The following USP30 variants were observed in gnomAD, a reference collection of about 807,000 sequenced individuals.
The protein encoded by USP30 is ubiquitin carboxyl-terminal hydrolase 30.
A neutral mutation model predicts 68.2 loss-of-function variants in USP30; 41 were observed. That is an observed-to-expected ratio of 0.60 (90% CI 0.47 to 0.78). The LOEUF (loss-of-function observed/expected upper bound fraction) is 0.78. USP30 is among the 30% of genes least tolerant of loss of function. The pLI is 0.00. For synonymous variants in USP30, 229 were observed against 253.7 expected (o/e 0.90, Z 0.93); for missense variants, 522 against 649.4 (o/e 0.80, Z 2.13).
At position 109,085,856 on chromosome 12, in the gene USP30, C is replaced by G; in HGVS notation, c.1479C>G (p.Ser493Arg). 1.9e-6 allele frequency: 3 copies of G among 1,614,236 alleles called. No homozygotes were observed. The highest frequency in any genetic ancestry group is 2.5e-6 in the Non-Finnish European group (3 of 1,180,036). Residue 493 changes from serine (S) to arginine (R), a missense_variant, in exon 13 of 13, where the codon AGC becomes AGG. Ser to Arg is a moderately radical substitution (Grantham distance 110, BLOSUM62 -1). Transcript: ENST00000257548. ...GCCTGCAGGAGGTCCTGTCCTCCAG[C>G]GCCTACCTGCTGTTCTACGAGCGCG... The part of the protein sequence containing the change: ...KASLQEVLSS[S>R]AYLLFYERVL...
At position 109,052,646 on chromosome 12, in the gene USP30, A is replaced by AG. The variant is rs545233213; in HGVS notation, c.-31dup. 2,088 of 1,384,170 alleles carry AG rather than the reference A, an allele frequency of 1.5e-3. 22 individuals are homozygous for AG. In the African/African-American group the frequency reaches 0.028, roughly 19 times the overall value. 85.7% of individuals were successfully genotyped at this position (1,384,170 alleles called of 1,614,324 possible). On this transcript the variant is annotated 5_prime_UTR_variant, in exon 1 of 13. Transcript: ENST00000257548. ...CCGGCGGCGGCGGCGGCGGTAGCGGAGGAGACGGTTTCAGGCCTCCGGTGC... is the reference window on the plus strand; with the variant it reads ...CCGGCGGCGGCGGCGGCGGTAGCGGAGGGAGACGGTTTCAGGCCTCCGGTGC...
chr12:109,074,342 C>G (rs992080587), intron 7 of USP30, among the ~76,000 whole-genome samples: 1 of 152,122 alleles, frequency 6.6e-6, no homozygotes. Context: ...CATTTACATA[C>G]AAGTTTTTGT....
intron 11 of USP30, among the ~76,000 whole-genome samples, chr12:109,084,089 G>A (rs917497856): frequency 8.5e-5 from 13 of 152,180 alleles, no homozygotes; most frequent in Non-Finnish European, 1.2e-4. Context: ...AGGGCCACTC[G>A]TGGTGGCTCA....
intron 3 of USP30, among the ~76,000 whole-genome samples, chr12:109,060,704 G>T (rs1381491073): frequency 1.3e-5 from 2 of 152,150 alleles, no homozygotes; most frequent in Non-Finnish European, 2.9e-5. Context: ...ACTCAGGCTG[G>T]AATGCAGTGG....
At chr12:109,063,152 C>A (rs112171892) in intron 3 of USP30, among the ~76,000 whole-genome samples, 2 of 151,854 alleles carry the variant, frequency 1.3e-5, no homozygotes, top group Non-Finnish European at 2.9e-5. Context: ...CAGGCTGGAG[C>A]GCAGTGGTGC....
chr12:109,062,390 G>A (rs1054094648), intron 3 of USP30, among the ~76,000 whole-genome samples: 9 of 145,454 alleles, frequency 6.2e-5, no homozygotes, highest in African/African-American at 2.1e-4. Context: ...GCTGGAGTGC[G>A]GTGGCATGAT....
chr12:109,082,482 T>A, intron 9 of USP30, 181 bp from the exon 10 acceptor site: 2 of 608,794 alleles, frequency 3.3e-6, no homozygotes, highest in Non-Finnish European at 5.8e-6. Flanking sequence ...ACTGTTTCTG[T>A]TATTTAATGA....
intron 2 of USP30, among the ~76,000 whole-genome samples, chr12:109,025,991 G>A (rs377087654): frequency 2.6e-4 from 39 of 152,052 alleles, no homozygotes; most frequent in African/African-American, 8.4e-4. Flanking sequence ...GGCATGAAGC[G>A]TTTTTTAAGT....
At position 109,037,173 on chromosome 12, in the gene USP30, C is replaced by T. The variant is rs76644944; in HGVS notation, c.-136+9617C>T. Among the ~76,000 whole-genome samples the T allele has an allele frequency of 5.4e-3, 817 of 152,204 alleles. 6 individuals are homozygous for T. The highest frequency in any genetic ancestry group is 8.8e-3 in the Non-Finnish European group (600 of 68,018). On this transcript the variant is annotated intron_variant, in intron 3 of 15. Coordinates refer to the USP30 transcript ENST00000392784. ...GGAACTATCTTCATGTTCATTGATACTTTGCTTACCTGTTCAAATCTGCTG... is the reference window on the plus strand; with the variant it reads ...GGAACTATCTTCATGTTCATTGATATTTTGCTTACCTGTTCAAATCTGCTG...
rs1447148035 is a variant in USP30 at position 109,039,853 on chromosome 12, C to T, written c.-135-7737C>T. On this transcript the variant is annotated intron_variant, in intron 3 of 15. Transcript: ENST00000392784. ...CTCGATCTCTTGACCTCATGATCTGCCTGCCTTGGCCTCCCAAAGTGCTGG... is the reference window on the plus strand; with the variant it reads ...CTCGATCTCTTGACCTCATGATCTGTCTGCCTTGGCCTCCCAAAGTGCTGG... 2.0e-5 allele frequency among the ~76,000 whole-genome samples: 3 copies of T among 152,138 alleles called. No individual in the cohort carries two copies. The East Asian group carries it at 5.8e-4, about 29-fold the overall frequency.
intron 3 of USP30, among the ~76,000 whole-genome samples, chr12:109,061,820 C>G (rs149996818): frequency 6.6e-6 from 1 of 152,322 alleles, no homozygotes; most frequent in African/African-American, 2.4e-5. Flanking sequence ...CAACCCTGCT[C>G]CCCTCCACCT....
At chr12:109,043,905 A>G (rs2040582471) in intron 3 of USP30, among the ~76,000 whole-genome samples, 1 of 152,228 alleles carries the variant, frequency 6.6e-6, no homozygotes, top group Admixed American at 6.5e-5. Flanking sequence ...TTGAAGAGAT[A>G]TTTGTATATA....
chr12:109,078,949 G>A (rs1043971511), intron 7 of USP30, among the ~76,000 whole-genome samples: 5 of 152,090 alleles, frequency 3.3e-5, no homozygotes, highest in African/African-American at 1.2e-4. Context: ...TTCTCAGTTA[G>A]TGTCATTTAT....
intron 4 of USP30, 34 bp from the exon 5 acceptor site, chr12:109,071,578 C>T (rs1183532575): frequency 5.6e-6 from 9 of 1,596,658 alleles, no homozygotes; most frequent in Non-Finnish European, 7.7e-6. Flanking sequence ...TTGCCTCTTC[C>T]AACCTCTCTA....
rs2041955314 is a variant in USP30, at chr12:109,086,697, CT to C, written c.*769del. ...GTGAATAGCCAGAACTGAGCTGGAT[CT>C]TTGCAACACCTGATTCCTCTGCTCT... On this transcript the variant is annotated 3_prime_UTR_variant, in exon 13 of 13. Coordinates refer to ENST00000257548, the MANE Select transcript of USP30 (RefSeq NM_032663.5). 1.3e-5 allele frequency: 2 copies of C among 152,258 alleles called. No individual in the cohort carries two copies. Among genetic ancestry groups the C allele is most frequent in the African/African-American group, 4.8e-5 (2 of 41,462 alleles). The allele number at this position is 152,258 out of a possible 1,614,324, so 9.4% of individuals were successfully genotyped here. A position where few individuals can be genotyped will look rare whatever the true frequency, so the allele number is the denominator to read the frequency against.
rs2041396141 is a variant in USP30 at position 109,070,272 on chromosome 12, G to A, written c.481-1340G>A. ...TCCTCAGGAATTTAGGGCGTATTTT[G>A]GAGGAGGGTCCTTTTTTCAGGACTG... On this transcript the variant is annotated intron_variant, in intron 4 of 12. Transcript: ENST00000257548. This position sits in a 1 kb window ranked among gnomAD's most constrained non-coding sequence, Gnocchi z 4.0. Among the ~76,000 whole-genome samples the A allele has an allele frequency of 6.6e-6, 1 of 152,144 alleles. No individual in the cohort carries two copies. Among genetic ancestry groups the A allele is most frequent in the South Asian group, 2.1e-4 (1 of 4,830 alleles).
chr12:109,082,763 C>G lies in USP30; in HGVS notation c.948+20C>G. 2 of 1,612,220 alleles carry G rather than the reference C, an allele frequency of 1.2e-6. No individual in the cohort carries two copies. The highest frequency in any genetic ancestry group is 1.7e-6 in the Non-Finnish European group (2 of 1,178,912). The stretch of plus-strand genomic sequence containing the variant: ...GGGAAGGTGAGCCCACACTACACAC[C>G]CTGTTGGCTTTGTTTTGAGGACTCC... On this transcript the variant is annotated intron_variant, in intron 10 of 12. Coordinates refer to ENST00000257548, the MANE Select transcript of USP30 (RefSeq NM_032663.5).
chr12:109,048,506 C>A (rs1368640658), upstream of USP30, among the ~76,000 whole-genome samples: 1 of 151,802 alleles, frequency 6.6e-6, no homozygotes, highest in African/African-American at 2.4e-5. Context: ...AGTGGTGATT[C>A]CGTATCTTGA....
At chr12:109,085,232 T>C (rs1412784353) in intron 12 of USP30, among the ~76,000 whole-genome samples, 159 bp downstream of exon 12, 1 of 152,192 alleles carries the variant, frequency 6.6e-6, no homozygotes, top group Non-Finnish European at 1.5e-5. Context: ...TTGTCCAAAA[T>C]GGAAATAACT....
Sources: gnomAD v4.1 joint callset for allele counts (sites outside exome capture counted in the v4.1 genomes callset) on GRCh38, gnomAD v4.1.1 for gene constraint, Gnocchi (gnomAD v3.1) non-coding constraint, MANE v1.5 for transcripts, NCBI Gene and HGNC (gene_info 2026-07-23, HGNC 2026-07-21) for gene names.